The following ADAM10 variants were observed in gnomAD, a reference collection of about 807,000 sequenced individuals.
ADAM10 encodes the protein ADAM metallopeptidase domain 10, also known as disintegrin and metalloproteinase domain-containing protein 10.
A neutral mutation model predicts 90.1 loss-of-function variants in ADAM10; 17 were observed. The observed-to-expected ratio is 0.19, with a 90% CI of 0.13 to 0.28. The LOEUF is 0.28. Among genes scored for constraint, ADAM10 ranks in the 10% least tolerant of loss-of-function variants. ADAM10 has a pLI of 1.00. For synonymous variants in ADAM10, 310 were observed against 298.6 expected, an observed-to-expected ratio of 1.04 and a Z score of -0.40; for missense variants, 610 against 914.3, an observed-to-expected ratio of 0.67 and a Z score of 4.29.
At position 58,624,752 on chromosome 15, in the gene ADAM10, C is replaced by T. The variant is rs372116434; in HGVS notation, c.1360+2948G>A. ...TTCGCTACATTGGCCAGGCTGGTTT[C>T]GAACTCCTGGCCTCAAGCAATCTCC... On this transcript the variant is annotated intron_variant, in intron 10 of 15. Transcript: ENST00000260408. Among the ~76,000 whole-genome samples the T allele has an allele frequency of 6.6e-5, 10 of 152,236 alleles. No homozygotes were observed. The East Asian group carries it at 1.7e-3, about 26-fold the overall frequency.
chr15:58,716,992 A>T (rs1339836243), intron 2 of ADAM10, among the ~76,000 whole-genome samples: 1 of 152,178 alleles, frequency 6.6e-6, no homozygotes, highest in Non-Finnish European at 1.5e-5. Context: ...CGGATATAAA[A>T]AGCTATTTAC....
At chr15:58,608,253 C>T (rs572188813) in intron 14 of ADAM10, among the ~76,000 whole-genome samples, 5 of 152,260 alleles carry the variant, frequency 3.3e-5, no homozygotes, top group South Asian at 2.1e-4. Context: ...GAAGACAAAA[C>T]GCCACCAGGC....
intron 4 of ADAM10, among the ~76,000 whole-genome samples, chr15:58,675,761 T>C (rs1253030627): frequency 2.0e-5 from 3 of 152,260 alleles, no homozygotes; most frequent in Non-Finnish European, 2.9e-5. Context: ...TTCTGGAGAA[T>C]AGCAGTATCA....
chr15:58,735,579 T>C (rs1404255289), intron 1 of ADAM10, among the ~76,000 whole-genome samples: 1 of 152,174 alleles, frequency 6.6e-6, no homozygotes, highest in African/African-American at 2.4e-5. Flanking sequence ...CACAATACAA[T>C]GTAAATCCTA....
At chr15:58,731,946 T>C (rs1033584012) in intron 1 of ADAM10, among the ~76,000 whole-genome samples, 3 of 152,190 alleles carry the variant, frequency 2.0e-5, no homozygotes, top group Non-Finnish European at 2.9e-5. Flanking sequence ...CACTGTAACC[T>C]AGACCAGATT....
At chr15:58,719,740 G>A (rs1435064533) in intron 1 of ADAM10, among the ~76,000 whole-genome samples, 1 of 152,108 alleles carries the variant, frequency 6.6e-6, no homozygotes, top group African/African-American at 2.4e-5. Context: ...AAAATGATCT[G>A]GGTTTGAATA....
rs1277589067 is a variant in ADAM10, at chr15:58,592,798, C to T, written c.*4749G>A. On this transcript the variant is annotated 3_prime_UTR_variant, in exon 16 of 16. Coordinates refer to ENST00000260408, the MANE Select transcript of ADAM10 (RefSeq NM_001110.4). ...TAAATCGTGGTAGTATAACTTGGTA[C>T]ATCTATCTGGGAGACAGTACCATAA... The T allele has an allele frequency of 6.7e-6, 1 of 149,878 alleles. No homozygotes were observed. The highest frequency in any genetic ancestry group is 2.4e-5 in the African/African-American group (1 of 40,956). 9.3% of individuals were successfully genotyped at this position (149,878 alleles called of 1,614,324 possible).
At chr15:58,644,084 A>G in intron 6 of ADAM10, 106 bp from the exon 7 acceptor site, 1 of 817,028 alleles carries the variant, frequency 1.2e-6, no homozygotes, top group Non-Finnish European at 2.1e-6. Context: ...GCCACATTCA[A>G]ATTTTAAAAT....
intron 2 of ADAM10, chr15:58,691,469 C>T: frequency 1.6e-6 from 1 of 637,176 alleles, no homozygotes; most frequent in Non-Finnish European, 3.1e-6. Context: ...GTGCCTCCTT[C>T]ATGCAAGACA....
chr15:58,691,152 C>A (rs1338961504), intron 2 of ADAM10: 2 of 700,414 alleles, frequency 2.9e-6, no homozygotes, highest in Admixed American at 1.8e-5. Flanking sequence ...CACAAGCCTA[C>A]TGGAGATTGT....
chr15:58,624,023 G>A (rs892011882), intron 10 of ADAM10, among the ~76,000 whole-genome samples: 17 of 147,510 alleles, frequency 1.2e-4, no homozygotes, highest in African/African-American at 3.9e-4. Context: ...GGTGGCTCAC[G>A]CCTGTAAATG....
At chr15:58,662,923 T>C (rs1361577997) in intron 5 of ADAM10, among the ~76,000 whole-genome samples, 1 of 152,214 alleles carries the variant, frequency 6.6e-6, no homozygotes, top group Non-Finnish European at 1.5e-5. Context: ...TTATCCTTCT[T>C]GAGATCTCCT....
intron 5 of ADAM10, among the ~76,000 whole-genome samples, chr15:58,663,392 T>C (rs1471965658): frequency 1.3e-5 from 2 of 152,222 alleles, no homozygotes; most frequent in African/African-American, 2.4e-5. Flanking sequence ...TGGGTCTTTT[T>C]CTAAGCACTC....
At chr15:58,675,138 C>G (rs1163306543) in intron 4 of ADAM10, among the ~76,000 whole-genome samples, 16 of 152,224 alleles carry the variant, frequency 1.1e-4, no homozygotes, top group African/African-American at 3.6e-4. Context: ...GCGGAGGTTG[C>G]AGTGAGCTGA....
intron 1 of ADAM10, among the ~76,000 whole-genome samples, chr15:58,727,261 G>A (rs1485046684): frequency 7.0e-6 from 1 of 141,932 alleles, no homozygotes; most frequent in African/African-American, 2.7e-5. Context: ...CGCAATCTCG[G>A]CTCACTGCAA....
chr15:58,626,556 A>C (rs896635055), intron 10 of ADAM10, among the ~76,000 whole-genome samples: 16 of 152,172 alleles, frequency 1.1e-4, no homozygotes, highest in Non-Finnish European at 2.4e-4. Context: ...TCAATGCCGC[A>C]AGAAAGACAT....
intron 2 of ADAM10, among the ~76,000 whole-genome samples, chr15:58,689,952 C>CCAAAA (rs1555418398): frequency 4.6e-5 from 5 of 108,934 alleles, no homozygotes; most frequent in Non-Finnish European, 7.6e-5. Flanking sequence ...AGACCCCCCC[C>CCAAAA]AAAAAAAAAA....
chr15:58,703,772 C>A (rs1317366320), intron 2 of ADAM10: 1 of 152,480 alleles, frequency 6.6e-6, no homozygotes, highest in Non-Finnish European at 1.5e-5. Context: ...TGAGTTCTCA[C>A]GAGATTGTCC....
chr15:58,646,262 T>G, intron 5 of ADAM10, 58 bp from the exon 6 acceptor site: 2 of 1,492,348 alleles, frequency 1.3e-6, no homozygotes, highest in Non-Finnish European at 1.8e-6. Context: ...TCATTTTATC[T>G]AATTAAGAAT....
Sources: allele counts gnomAD v4.1 joint callset (sites outside exome capture counted in the v4.1 genomes callset), GRCh38; gene constraint gnomAD v4.1.1; transcripts MANE v1.5; gene names NCBI Gene and HGNC (gene_info 2026-07-23, HGNC 2026-07-21).